TIAM2: variants seen among roughly 807,000 people sequenced by gnomAD.
TIAM2 encodes the protein rho guanine nucleotide exchange factor TIAM2.
TIAM2 carries 80 observed loss-of-function variants against 152.9 expected under a neutral mutation model. The observed-to-expected ratio is 0.52, with a 90% CI of 0.44 to 0.63. TIAM2 has a LOEUF of 0.63. TIAM2 is among the 30% of genes least tolerant of loss of function. TIAM2 has a pLI of 0.00. For synonymous variants in TIAM2, 804 were observed against 838.0 expected, an observed-to-expected ratio of 0.96 and a Z score of 0.70; for missense variants, 1,965 against 2,120.1, an observed-to-expected ratio of 0.93 and a Z score of 1.44.
chr6:155,107,104 C>A (rs368117108), intron 2 of TIAM2, among the ~76,000 whole-genome samples: 1 of 151,992 alleles, frequency 6.6e-6, no homozygotes, highest in African/African-American at 2.4e-5. Context: ...CTTTGTGAAA[C>A]TTTTCTTATT....
chr6:155,001,063 A>G (rs539939704), intron 1 of TIAM2, among the ~76,000 whole-genome samples: 1 of 152,308 alleles, frequency 6.6e-6, no homozygotes, highest in South Asian at 2.1e-4. Context: ...TGGAAGAAAG[A>G]AAGTCAGTGG....
intron 1 of TIAM2, among the ~76,000 whole-genome samples, chr6:155,057,197 G>GT (rs1248548858): frequency 6.6e-6 from 1 of 150,992 alleles, no homozygotes; most frequent in Non-Finnish European, 1.5e-5. Flanking sequence ...CCCAGCTAAT[G>GT]TTTTTTTATT....
chr6:155,219,218 G>A (rs1035445080), intron 15 of TIAM2, among the ~76,000 whole-genome samples: 8 of 152,198 alleles, frequency 5.3e-5, no homozygotes, highest in South Asian at 2.1e-4. Flanking sequence ...TCTGCTCACC[G>A]TGTAGCTGCT....
rs114704600 is a variant in TIAM2, at chr6:155,256,672, G to A, written c.4657G>A (p.Gly1553Ser). ...TTCTCCCGGGAAATACCCACACCCC[G>A]GCTTGGCAGATTTTGCCGACAATCT... The part of the protein sequence containing the change: ...STSPGKYPHP[G>S]LADFADNLIK... Residue 1553 changes from glycine to serine, a missense_variant, in exon 27 of 27, where the codon GGC (glycine) becomes AGC (serine). By Grantham distance (56) the Gly-to-Ser change is moderately conservative. Coordinates refer to ENST00000682666, the MANE Select transcript of TIAM2 (RefSeq NM_012454.4). The A allele has an allele frequency of 2.5e-5, 40 of 1,614,174 alleles. No individual in the cohort carries two copies. The South Asian group carries it at 3.2e-4, about 13-fold the overall frequency.
intron 1 of TIAM2, among the ~76,000 whole-genome samples, chr6:155,006,108 GC>G (rs1285137998): frequency 1.3e-5 from 2 of 152,188 alleles, no homozygotes; most frequent in Non-Finnish European, 2.9e-5. Context: ...CCCACGTGTA[GC>G]CCCCCGGGGT....
chr6:155,026,263 T>A (rs1300709526), intron 1 of TIAM2, among the ~76,000 whole-genome samples: 1 of 152,188 alleles, frequency 6.6e-6, no homozygotes, highest in African/African-American at 2.4e-5. Context: ...CCCTTAGGGA[T>A]CTGTTCAGAA....
chr6:155,053,152 T>G (rs2114926414), intron 1 of TIAM2, among the ~76,000 whole-genome samples: 1 of 152,276 alleles, frequency 6.6e-6, no homozygotes, highest in African/African-American at 2.4e-5. Flanking sequence ...TAAGGAAATA[T>G]TAATATTTAG....
chr6:155,101,868 T>A (rs929935128), intron 2 of TIAM2, among the ~76,000 whole-genome samples: 4 of 151,938 alleles, frequency 2.6e-5, no homozygotes, highest in African/African-American at 9.7e-5. Flanking sequence ...CGCCTGGCTA[T>A]TTTTTGTATT....
At chr6:155,132,829 G>A (rs1039271259) in intron 4 of TIAM2, among the ~76,000 whole-genome samples, 9 of 152,156 alleles carry the variant, frequency 5.9e-5, no homozygotes, top group African/African-American at 2.2e-4. Context: ...CTGTATATGT[G>A]GCCTGGCTTA....
rs150975019 is a variant in TIAM2 at position 155,088,204 on chromosome 6, G to A, written c.-208-2085G>A. ...GGAGTAGCTGGGATTACAGGCATGC[G>A]CCACCACGCCCGGCTAATGTTTTGT... On this transcript the variant is annotated intron_variant, in intron 1 of 26. Coordinates refer to ENST00000682666, the MANE Select transcript of TIAM2 (RefSeq NM_012454.4). Among the ~76,000 whole-genome samples, 1,212 of 151,982 alleles carry A rather than the reference G, an allele frequency of 8.0e-3. 12 individuals are homozygous for A. Among genetic ancestry groups the A allele is most frequent in the Middle Eastern group, 0.034 (10 of 294 alleles).
chr6:155,178,335 T>C (rs1780809158), intron 10 of TIAM2, among the ~76,000 whole-genome samples: 1 of 152,168 alleles, frequency 6.6e-6, no homozygotes, highest in African/African-American at 2.4e-5. Context: ...TTCTTAAGTC[T>C]GTAGATTTGT....
rs2114986927 is a variant in TIAM2 at position 155,096,282 on chromosome 6, A to G, written c.-118+5903A>G. Among the ~76,000 whole-genome samples the G allele has an allele frequency of 2.6e-5, 4 of 152,342 alleles. No individual in the cohort carries two copies. In the South Asian group the frequency reaches 8.3e-4, roughly 32 times the overall value. Reference sequence around the variant, plus strand: ...ATGAATGGTAATTCAGCACGTTCATATAATTTGTAAAGATCAAATCAGTGT... The same window carrying G: ...ATGAATGGTAATTCAGCACGTTCATGTAATTTGTAAAGATCAAATCAGTGT... On this transcript the variant is annotated intron_variant, in intron 2 of 26. Transcript: ENST00000682666.
chr6:155,248,160 G>C lies in TIAM2; in HGVS notation c.3813G>C (p.Glu1271Asp), dbSNP rs200147729. The change falls in exon 20 of 27, where the codon GAG becomes GAC. Residue 1271 changes from glutamate to aspartate, a missense_variant. Glu to Asp is a conservative substitution (Grantham distance 45). This residue lies in a region of TIAM2 where 935 missense variants were observed against 980.0 expected (regional missense o/e 0.95). Coordinates refer to ENST00000682666, the MANE Select transcript of TIAM2 (RefSeq NM_012454.4). ...TGTCCCTGACGGACCAGGAGAGCGA[G>C]GAGCACTACCACCTGACGGGTGAGG... ...ELVSLTDQES[E>D]EHYHLTEALK... 19 of 1,613,752 alleles carry C rather than the reference G, an allele frequency of 1.2e-5. No individual in the cohort carries two copies. Among genetic ancestry groups the C allele is most frequent in the Non-Finnish European group, 1.6e-5 (19 of 1,180,020 alleles).
At chr6:155,015,846 A>G (rs1778566120) in intron 1 of TIAM2, among the ~76,000 whole-genome samples, 1 of 149,562 alleles carries the variant, frequency 6.7e-6, no homozygotes, top group African/African-American at 2.4e-5. Flanking sequence ...CTGAGGCAGG[A>G]GAATCTCTTG....
At chr6:155,180,653 A>C (rs531550908) in intron 12 of TIAM2, among the ~76,000 whole-genome samples, 4 of 151,976 alleles carry the variant, frequency 2.6e-5, no homozygotes, top group South Asian at 4.2e-4. Context: ...CCCAGGCTGG[A>C]GTGCAGTGGC....
chr6:155,148,079 C>A, intron 6 of TIAM2, 31 bp from the exon 7 acceptor site: 5 of 1,608,772 alleles, frequency 3.1e-6, no homozygotes, highest in Non-Finnish European at 4.3e-6. Flanking sequence ...TAAAATGATT[C>A]GAAACAGGCT....
At chr6:155,021,173 A>G (rs1432647998) in intron 1 of TIAM2, among the ~76,000 whole-genome samples, 2 of 152,156 alleles carry the variant, frequency 1.3e-5, no homozygotes, top group African/African-American at 4.8e-5. Flanking sequence ...TACTGTCAAT[A>G]TGGTAGCTAT....
rs374583928 is a variant in TIAM2, at chr6:155,249,986, C to T, written c.3951+17C>T. 99 of 1,593,056 alleles carry T rather than the reference C, an allele frequency of 6.2e-5. No individual in the cohort carries two copies. The highest frequency in any genetic ancestry group is 7.9e-5 in the Non-Finnish European group (92 of 1,164,432). On this transcript the variant is annotated intron_variant, in intron 21 of 26. Coordinates refer to ENST00000682666, the MANE Select transcript of TIAM2 (RefSeq NM_012454.4). ...GAGAAGGAGGTCCGTGAGACATCTGCACCCTGGGAGCCTAGTGCATGTGGT... is the reference window on the plus strand; with the variant it reads ...GAGAAGGAGGTCCGTGAGACATCTGTACCCTGGGAGCCTAGTGCATGTGGT...
intron 9 of TIAM2, among the ~76,000 whole-genome samples, chr6:155,172,687 T>TATA (rs1491511697): frequency 2.6e-3 from 35 of 13,590 alleles, no homozygotes; most frequent in African/African-American, 0.011. Context: ...TATATATATA[T>TATA]TTTTTTTTTT....
Sources: allele counts gnomAD v4.1 joint callset (sites outside exome capture counted in the v4.1 genomes callset), GRCh38; gene constraint gnomAD v4.1.1; regional missense constraint gnomAD v4.1.1; transcripts MANE v1.5; gene names NCBI Gene and HGNC (gene_info 2026-07-23, HGNC 2026-07-21).